SORBS2: variants seen among roughly 807,000 people sequenced by gnomAD.
SORBS2 encodes sorbin and SH3 domain-containing protein 2.
SORBS2 carries 46 observed loss-of-function variants against 97.7 expected under a neutral mutation model. The ratio of observed to expected loss-of-function variants is 0.47; its 90% CI spans 0.37 to 0.60. The LOEUF is 0.60. Ranked by LOEUF, SORBS2 falls within the 20% of genes least tolerant of loss-of-function variation. SORBS2 has a pLI of 0.00. For missense variants in SORBS2, 1,316 were observed against 1,282.3 expected, an observed-to-expected ratio of 1.03 and a Z score of -0.40; for synonymous variants, 476 against 473.4, an observed-to-expected ratio of 1.01 and a Z score of -0.07.
At chr4:185,818,448 C>G (rs1041597819) in intron 1 of SORBS2, among the ~76,000 whole-genome samples, 9 of 152,154 alleles carry the variant, frequency 5.9e-5, no homozygotes, top group Non-Finnish European at 8.8e-5. Context: ...CTTGCCCTCC[C>G]AAAGTGCTGG....
intron 1 of SORBS2, among the ~76,000 whole-genome samples, chr4:185,883,031 C>T (rs1259344692): frequency 6.6e-6 from 1 of 151,274 alleles, no homozygotes; most frequent in East Asian, 2.0e-4. Flanking sequence ...AAGCACAATC[C>T]ATAAAAGAAA....
chr4:185,702,843 A>G (rs2098284121), intron 2 of SORBS2, among the ~76,000 whole-genome samples: 1 of 152,150 alleles, frequency 6.6e-6, no homozygotes, highest in South Asian at 2.1e-4. Flanking sequence ...AAATCTAGGA[A>G]AGGTATATTC....
At chr4:185,656,940 C>A in exon 1 of SORBS2, 1 of 1,163,624 alleles carries the variant, frequency 8.6e-7, no homozygotes, top group African/African-American at 1.6e-5. Context: ...TCTCTTCACT[C>A]CAATCATCTC....
At chr4:185,775,527 C>G (rs542518222) in intron 1 of SORBS2, 161 bp from the exon 2 acceptor site, 1 of 152,288 alleles carries the variant, frequency 6.6e-6, no homozygotes, top group Non-Finnish European at 1.5e-5. Flanking sequence ...TCGCCACCCC[C>G]CACTCCAGGG....
intron 4 of SORBS2, among the ~76,000 whole-genome samples, chr4:185,636,102 G>A (rs1488269602): frequency 4.6e-5 from 7 of 152,036 alleles, no homozygotes; most frequent in South Asian, 2.1e-4. Flanking sequence ...CAAGTGTTCC[G>A]TCTGCCTCAG....
intron 2 of SORBS2, chr4:185,757,250 A>G (rs1230534050): frequency 1.2e-5 from 3 of 242,708 alleles, no homozygotes; most frequent in Non-Finnish European, 2.4e-5. Context: ...TCCAAGGAAC[A>G]CTATTTTATA....
chr4:185,784,283 C>T (rs531531821), intron 1 of SORBS2, among the ~76,000 whole-genome samples: 3 of 152,248 alleles, frequency 2.0e-5, no homozygotes, highest in Non-Finnish European at 4.4e-5. Context: ...AGGCACCTGC[C>T]ACCACTCCCG....
chr4:185,898,319 G>A lies in SORBS2; in HGVS notation c.-338+57877C>T, dbSNP rs1035952225. On this transcript the variant is annotated intron_variant, in intron 1 of 20. Coordinates refer to the SORBS2 transcript ENST00000284776. ...GCAATTAAGTGGAGGGGAAATGAAC[G>A]GTAGGGGACATAAGCAGGGAAACTA... Among the ~76,000 whole-genome samples, 51 of 152,148 alleles carry A rather than the reference G, an allele frequency of 3.4e-4. 4 individuals are homozygous for A. Among genetic ancestry groups the A allele is most frequent in the Non-Finnish European group, 4.4e-5 (3 of 68,024 alleles).
chr4:185,737,229 A>G (rs1019359050), intron 2 of SORBS2, among the ~76,000 whole-genome samples: 2 of 152,220 alleles, frequency 1.3e-5, no homozygotes, highest in Non-Finnish European at 2.9e-5. Flanking sequence ...TCTGCTTTCA[A>G]GTTCCAGGTT....
intron 2 of SORBS2, among the ~76,000 whole-genome samples, chr4:185,723,978 T>A (rs2098536904): frequency 6.6e-6 from 1 of 152,198 alleles, no homozygotes; most frequent in Non-Finnish European, 1.5e-5. Context: ...CCCTTCTCAG[T>A]GTTTTTGGCA....
At chr4:185,839,724 C>T (rs1040463095) in intron 1 of SORBS2, among the ~76,000 whole-genome samples, 2 of 152,166 alleles carry the variant, frequency 1.3e-5, no homozygotes, top group Non-Finnish European at 2.9e-5. Flanking sequence ...AAAGCTGAAC[C>T]ACCATAAAAT....
intron 13 of SORBS2, chr4:185,593,138 A>C (rs1323537716): frequency 6.6e-6 from 1 of 152,462 alleles, no homozygotes; most frequent in Non-Finnish European, 1.5e-5. Context: ...TATGGGGGAC[A>C]AGGGGTTAGG....
At chr4:185,697,913 T>C (rs1434040726) in intron 2 of SORBS2, among the ~76,000 whole-genome samples, 1 of 152,246 alleles carries the variant, frequency 6.6e-6, no homozygotes, top group Non-Finnish European at 1.5e-5. Context: ...TCCGTTTTAA[T>C]TTTTATATAT....
At chr4:185,865,724 A>G (rs2099226504) in intron 1 of SORBS2, among the ~76,000 whole-genome samples, 1 of 152,166 alleles carries the variant, frequency 6.6e-6, no homozygotes, top group Non-Finnish European at 1.5e-5. Flanking sequence ...TTAGTCCTCG[A>G]TAATGTGACC....
chr4:185,734,607 T>C (rs1216667185), intron 2 of SORBS2, among the ~76,000 whole-genome samples: 2 of 152,190 alleles, frequency 1.3e-5, no homozygotes, highest in African/African-American at 4.8e-5. Flanking sequence ...AAGGCCATAG[T>C]GTTAATATCC....
intron 12 of SORBS2, among the ~76,000 whole-genome samples, chr4:185,599,165 A>C (rs917783601): frequency 6.6e-6 from 1 of 152,230 alleles, no homozygotes; most frequent in African/African-American, 2.4e-5. Flanking sequence ...AAAAATGAAG[A>C]CTTCTGTGAA....
chr4:185,756,776 T>C (rs896195585), intron 2 of SORBS2, among the ~76,000 whole-genome samples: 14 of 151,898 alleles, frequency 9.2e-5, no homozygotes, highest in Non-Finnish European at 1.0e-4. Flanking sequence ...CAGGTTTTTT[T>C]CTGAACAAAT....
intron 13 of SORBS2, among the ~76,000 whole-genome samples, chr4:185,592,290 C>T (rs1260227146): frequency 6.6e-6 from 1 of 152,122 alleles, no homozygotes; most frequent in African/African-American, 2.4e-5. Context: ...CCCTAAAATC[C>T]CACTAATTCA....
chr4:185,749,530 T>C (rs1001686004), intron 2 of SORBS2, among the ~76,000 whole-genome samples: 7 of 152,370 alleles, frequency 4.6e-5, no homozygotes, highest in Non-Finnish European at 7.3e-5. Flanking sequence ...AGACCTCTGA[T>C]TCCTGGTCAT....
Sources: gnomAD v4.1 joint callset for allele counts (sites outside exome capture counted in the v4.1 genomes callset) on GRCh38, gnomAD v4.1.1 for gene constraint, MANE v1.5 for transcripts, NCBI Gene and HGNC (gene_info 2026-07-23, HGNC 2026-07-21) for gene names.